TRPM2: variants seen among roughly 807,000 people sequenced by gnomAD.
The protein encoded by TRPM2 is transient receptor potential cation channel subfamily M member 2.
TRPM2 carries 161 observed loss-of-function variants against 174.0 expected under a neutral mutation model. That is an observed-to-expected ratio of 0.93 (90% CI 0.81 to 1.05). The LOEUF is 1.05. TRPM2 is among the 50% of genes least tolerant of loss of function. The pLI is 0.00. For missense variants in TRPM2, 2,057 were observed against 2,038.0 expected, an observed-to-expected ratio of 1.01 and a Z score of -0.18; for synonymous variants, 954 against 861.3, an observed-to-expected ratio of 1.11 and a Z score of -1.88.
rs770780995 is a variant in TRPM2 at position 44,425,701 on chromosome 21, T to C, written c.3669T>C (p.Ala1223=). ...AGAAGGCCGCGGAGGAGCCGGATGC[T>C]GAGCCGGGAGGCAGGAAGAAGACGG... ...ASQKAAEEPD[A]EPGGRKKTEE... The change falls in exon 25 of 32, where the codon GCT becomes GCC. Residue 1223 remains alanine, a synonymous_variant. Transcript: ENST00000397928. 1.7e-5 allele frequency: 26 copies of C among 1,557,424 alleles called. 1 individual carries two copies. The highest frequency in any genetic ancestry group is 2.3e-5 in the Non-Finnish European group (26 of 1,148,822).
rs536427748 is a variant in TRPM2 at position 44,399,954 on chromosome 21, C to T, written c.2209-305C>T. ...CGTCATGTCCTGGGCTGTGCCAGGC[C>T]TAGGGAGGCCTGGGGAAGGGTCCTG... On this transcript the variant is annotated intron_variant, in intron 14 of 31. Transcript: ENST00000397928. This position sits in a 1 kb window ranked among gnomAD's most constrained non-coding sequence, Gnocchi z 4.6. Among the ~76,000 whole-genome samples, 1 of 152,258 alleles carries T rather than the reference C, an allele frequency of 6.6e-6. No homozygotes were observed. The highest frequency in any genetic ancestry group is 1.5e-5 in the Non-Finnish European group (1 of 67,988).
chr21:44,361,869 C>A (rs1305622273), intron 2 of TRPM2, among the ~76,000 whole-genome samples: 1 of 152,080 alleles, frequency 6.6e-6, no homozygotes, highest in Admixed American at 6.5e-5. Flanking sequence ...CCACCATGCC[C>A]GGTTAATTTT....
At chr21:44,404,506 C>T (rs956591049) in intron 16 of TRPM2, among the ~76,000 whole-genome samples, 10 of 152,210 alleles carry the variant, frequency 6.6e-5, no homozygotes, top group Admixed American at 5.9e-4. Context: ...CTGCTGCCAG[C>T]GCTATTCTGC....
At chr21:44,384,968 G>A (rs1025458573) in intron 9 of TRPM2, among the ~76,000 whole-genome samples, 1 of 152,142 alleles carries the variant, frequency 6.6e-6, no homozygotes, top group African/African-American at 2.4e-5. Flanking sequence ...TGATACCAAA[G>A]ACAGACACTA....
intron 11 of TRPM2, among the ~76,000 whole-genome samples, chr21:44,394,434 C>G (rs1169554720): frequency 6.6e-6 from 1 of 151,502 alleles, no homozygotes; most frequent in East Asian, 1.9e-4. Context: ...ATTGTCTTGC[C>G]TCAGCCTTCC....
rs1348407063 is a variant in TRPM2 at position 44,367,364 on chromosome 21, C to G, written c.604+430C>G. 1.3e-5 allele frequency among the ~76,000 whole-genome samples: 2 copies of G among 152,220 alleles called. No homozygotes were observed. Among genetic ancestry groups the G allele is most frequent in the Non-Finnish European group, 2.9e-5 (2 of 68,032 alleles). ...CATTTGTAGGGGGTCAGCGAGAGTT[C>G]CCAGTCATCAAGCTTTCCATTATCG... On this transcript the variant is annotated intron_variant, in intron 4 of 31. Coordinates refer to ENST00000397928, the MANE Select transcript of TRPM2 (RefSeq NM_003307.4). The surrounding 1 kb of genome is among the most constrained non-coding windows in gnomAD (Gnocchi z 4.6).
In TRPM2 at chr21:44,358,315, G is replaced by A. The variant is rs186691415; in HGVS notation, c.254+3579G>A. Among the ~76,000 whole-genome samples the A allele has an allele frequency of 1.3e-3, 196 of 151,686 alleles. 1 individual carries two copies. In the East Asian group the frequency reaches 0.029, roughly 23 times the overall value. On this transcript the variant is annotated intron_variant, in intron 2 of 31. Coordinates refer to ENST00000397928, the MANE Select transcript of TRPM2 (RefSeq NM_003307.4). ...GGGCCACCAATCCTCATCTGTGAGC[G>A]CAGAGACTGGAGGGGATGCCTCAGA...
At chr21:44,426,823 A>G in intron 26 of TRPM2, 87 bp downstream of exon 26, 2 of 1,541,276 alleles carry the variant, frequency 1.3e-6, no homozygotes, top group Non-Finnish European at 8.9e-7. Flanking sequence ...GTCAGAGCCC[A>G]GCCCGGGGAG....
At chr21:44,418,150 C>T (rs372907433) in intron 21 of TRPM2, 42 bp downstream of exon 21, 35 of 1,581,162 alleles carry the variant, frequency 2.2e-5, no homozygotes, top group African/African-American at 1.5e-4. Context: ...CCTGGCCACC[C>T]GGGTGCAGAG....
In TRPM2 at chr21:44,410,241, C is replaced by A. The variant is rs2050057649; in HGVS notation, c.2962+3476C>A. ...ACCGCACTGTCTTGGTTGGCGTAGCCTTGTAGTGAGTTTTGACTGCACTGT... is the reference window on the plus strand; with the variant it reads ...ACCGCACTGTCTTGGTTGGCGTAGCATTGTAGTGAGTTTTGACTGCACTGT... On this transcript the variant is annotated intron_variant, in intron 19 of 31. Coordinates refer to ENST00000397928, the MANE Select transcript of TRPM2 (RefSeq NM_003307.4). Among the ~76,000 whole-genome samples, 2 of 84,102 alleles carry A rather than the reference C, an allele frequency of 2.4e-5. 1 individual carries two copies. The highest frequency in any genetic ancestry group is 5.4e-5 in the Non-Finnish European group (2 of 36,750). 55.2% of individuals were successfully genotyped at this position (84,102 alleles called of 152,430 possible). A position where few individuals can be genotyped will look rare whatever the true frequency, so the allele number is the denominator to read the frequency against.
intron 9 of TRPM2, among the ~76,000 whole-genome samples, chr21:44,383,265 G>T (rs2048934001): frequency 6.6e-6 from 1 of 152,152 alleles, no homozygotes; most frequent in Non-Finnish European, 1.5e-5. Flanking sequence ...TGCTTAGCCT[G>T]GCCCATTCTC....
rs781109743 is a variant in TRPM2 at position 44,382,809 on chromosome 21, C to A, written c.1307C>A (p.Ala436Asp). ...QQDVDVAILQ[A>D]LLKASRSQDH... ...GACGTGGATGTGGCCATCTTGCAGG[C>A]CTTGCTGAAAGGTGAGGGTCAGGGA... The change falls in exon 9 of 32, where the codon GCC becomes GAC. Residue 436 changes from alanine (A) to aspartate (D), a missense_variant. By Grantham distance (126) the Ala-to-Asp change is moderately radical. Transcript: ENST00000397928. 6.2e-7 allele frequency: 1 copy of A among 1,613,244 alleles called. No individual in the cohort carries two copies. The highest frequency in any genetic ancestry group is 8.5e-7 in the Non-Finnish European group (1 of 1,179,764).
chr21:44,439,222 C>A lies in TRPM2; in HGVS notation c.4269+54C>A. ...CCTGTGTGTCCCCAGGGCTGCAGGA[C>A]AAACACAGTGTGATACTGGGGACCT... On this transcript the variant is annotated intron_variant, in intron 30 of 31. Transcript: ENST00000397928. This position sits in a 1 kb window ranked among gnomAD's most constrained non-coding sequence, Gnocchi z 5.1. 6.5e-7 allele frequency: 1 copy of A among 1,531,664 alleles called. No individual in the cohort carries two copies. The highest frequency in any genetic ancestry group is 9.0e-7 in the Non-Finnish European group (1 of 1,108,858). 94.9% of individuals were successfully genotyped at this position (1,531,664 alleles called of 1,614,324 possible).
chr21:44,392,218 C>T (rs745715308), intron 11 of TRPM2, among the ~76,000 whole-genome samples: 1 of 151,560 alleles, frequency 6.6e-6, no homozygotes, highest in Non-Finnish European at 1.5e-5. Flanking sequence ...TCTCCTCACC[C>T]TCCAAAAGGC....
chr21:44,384,785 G>T (rs75672745), intron 9 of TRPM2, among the ~76,000 whole-genome samples: 2,326 of 152,260 alleles, frequency 0.015, 45 homozygotes, highest in African/African-American at 0.053. Context: ...CCTATAAGTA[G>T]TAAGGAGACT....
At chr21:44,408,654 CT>C (rs34026339) in intron 19 of TRPM2, among the ~76,000 whole-genome samples, 63,346 of 102,586 alleles carry the variant, frequency 0.62, 20,170 homozygotes, top group Non-Finnish European at 0.71. Flanking sequence ...CTCCTTTGCC[CT>C]TTTTTTTTTT....
chr21:44,369,124 T>A (rs1312859118), intron 4 of TRPM2, 53 bp from the exon 5 acceptor site: 2 of 1,345,644 alleles, frequency 1.5e-6, no homozygotes, highest in Non-Finnish European at 1.9e-6. Flanking sequence ...GGCTCCTGGG[T>A]GTCAGGTGCC....
intron 11 of TRPM2, among the ~76,000 whole-genome samples, chr21:44,392,289 G>T (rs971789506): frequency 2.1e-5 from 3 of 146,284 alleles, no homozygotes; most frequent in African/African-American, 7.6e-5. Context: ...ACAGGGTCTG[G>T]CTCTGTGACC....
At chr21:44,381,746 AAAATAC>A (rs1432482785) in intron 8 of TRPM2, among the ~76,000 whole-genome samples, 1 of 152,126 alleles carries the variant, frequency 6.6e-6, no homozygotes, top group Admixed American at 6.5e-5. Context: ...ATCTGTACTA[AAAATAC>A]AAACATTATC....
Sources: gnomAD v4.1 joint callset for allele counts (sites outside exome capture counted in the v4.1 genomes callset) on GRCh38, gnomAD v4.1.1 for gene constraint, Gnocchi (gnomAD v3.1) non-coding constraint, MANE v1.5 for transcripts, NCBI Gene and HGNC (gene_info 2026-07-23, HGNC 2026-07-21) for gene names.